The following ORC5 variants were observed in gnomAD, a reference collection of about 807,000 sequenced individuals.
The protein encoded by ORC5 is protein phosphatase 1, regulatory subunit 117.
A neutral mutation model predicts 58.8 loss-of-function variants in ORC5; 39 were observed. That is an observed-to-expected ratio of 0.66 (90% CI 0.51 to 0.87). The LOEUF is 0.87. ORC5 is among the 40% of genes least tolerant of loss of function. The pLI, the probability that ORC5 is intolerant of heterozygous loss-of-function variation, is 0.00. For synonymous variants in ORC5, 218 were observed against 177.6 expected (o/e 1.23, Z -1.81); for missense variants, 493 against 506.3 (o/e 0.97, Z 0.25).
At chr7:104,189,943 G>A (rs1049429177) in intron 5 of ORC5, among the ~76,000 whole-genome samples, 1 of 152,120 alleles carries the variant, frequency 6.6e-6, no homozygotes, top group Non-Finnish European at 1.5e-5. Flanking sequence ...TAATATTCTT[G>A]TAGGACTAAG....
At chr7:104,198,295 A>G (rs1294743172) in intron 3 of ORC5, among the ~76,000 whole-genome samples, 3 of 152,250 alleles carry the variant, frequency 2.0e-5, no homozygotes, top group Admixed American at 2.0e-4. Context: ...AAAGTTTGCA[A>G]CTTCCTAGAG....
chr7:104,184,849 T>C (rs75811157), intron 6 of ORC5, among the ~76,000 whole-genome samples: 2,257 of 152,240 alleles, frequency 0.015, 59 homozygotes, highest in African/African-American at 0.051. Context: ...ACAGAGAAAC[T>C]TAGCACAGGC....
At chr7:104,201,611 G>A (rs367781098) in intron 2 of ORC5, among the ~76,000 whole-genome samples, 267 of 144,190 alleles carry the variant, frequency 1.9e-3, no homozygotes, top group African/African-American at 6.4e-3. Context: ...GCAACATAGC[G>A]AGACCCTGTC....
chr7:104,166,709 A>G, intron 10 of ORC5, 63 bp downstream of exon 10: 1 of 917,158 alleles, frequency 1.1e-6, no homozygotes, highest in Non-Finnish European at 1.7e-6. Flanking sequence ...ACAAGTGTTA[A>G]GAAATTTCAA....
At chr7:104,171,964 T>G (rs1799219868) in intron 8 of ORC5, among the ~76,000 whole-genome samples, 1 of 152,214 alleles carries the variant, frequency 6.6e-6, no homozygotes, top group African/African-American at 2.4e-5. Context: ...AGGGTTGAAC[T>G]CTCTTTCTTC....
chr7:104,151,224 G>A (rs1173300361), intron 12 of ORC5, among the ~76,000 whole-genome samples: 1 of 152,076 alleles, frequency 6.6e-6, no homozygotes, highest in Non-Finnish European at 1.5e-5. Context: ...AGTATAACCA[G>A]AAAAGAAAGA....
rs1259092862 is a variant in ORC5 at position 104,176,352 on chromosome 7, A to T, written c.824+7591T>A. On this transcript the variant is annotated intron_variant, in intron 8 of 13. Coordinates refer to ENST00000297431, the MANE Select transcript of ORC5 (RefSeq NM_002553.4). ...TATCTGGGAAAGGCATAGACAGGGAAAGCCTGGTTGCATTAAAAAGGCTTT... is the reference window on the plus strand; with the variant it reads ...TATCTGGGAAAGGCATAGACAGGGATAGCCTGGTTGCATTAAAAAGGCTTT... Among the ~76,000 whole-genome samples the T allele has an allele frequency of 2.0e-5, 3 of 152,226 alleles. No individual in the cohort carries two copies. The East Asian group carries it at 5.8e-4, about 29-fold the overall frequency.
rs139823065 is a variant in ORC5, at chr7:104,141,625, G to C, written c.1150-4732C>G. On this transcript the variant is annotated intron_variant, in intron 12 of 13. Coordinates refer to ENST00000297431, the MANE Select transcript of ORC5 (RefSeq NM_002553.4). ...CAAAAAGCTGTTAGAACTAATAAAT[G>C]CTTTCAGTAAAGTTGCAGAATACAA... 4.0e-3 allele frequency among the ~76,000 whole-genome samples: 616 copies of C among 152,136 alleles called. 8 individuals carry two copies. The highest frequency in any genetic ancestry group is 3.4e-3 in the Middle Eastern group (1 of 294).
At position 104,126,867 on chromosome 7, in the gene ORC5, T is replaced by A. The variant is rs1255650414; in HGVS notation, c.1289A>T (p.Tyr430Phe). 6.2e-7 allele frequency: 1 copy of A among 1,607,936 alleles called. No homozygotes were observed. Among genetic ancestry groups the A allele is most frequent in the East Asian group, 2.2e-5 (1 of 44,592 alleles). Residue 430 changes from tyrosine to phenylalanine, a missense_variant, in exon 14 of 14, where the codon TAC becomes TTC. This residue lies in a region of ORC5 where 77 missense variants were observed against 86.1 expected (regional missense o/e 0.89). Coordinates refer to ENST00000297431, the MANE Select transcript of ORC5 (RefSeq NM_002553.4). ...TTGTTTTCACAAGAAATCATACAAG[T>A]ATTTTATTATGTCAAAGTTCACCGT... ...ARTVNFDIIK[Y>F]LYDFL
intron 6 of ORC5, among the ~76,000 whole-genome samples, chr7:104,184,951 A>T (rs1229764994): frequency 6.6e-6 from 1 of 152,148 alleles, no homozygotes; most frequent in Non-Finnish European, 1.5e-5. Flanking sequence ...TCTCCCTCCA[A>T]TAACCTGTTA....
At chr7:104,140,136 C>T (rs1306452686) in intron 12 of ORC5, among the ~76,000 whole-genome samples, 1 of 151,878 alleles carries the variant, frequency 6.6e-6, no homozygotes, top group Non-Finnish European at 1.5e-5. Flanking sequence ...TTTCATGATT[C>T]TACTTTCAAG....
In ORC5 at chr7:104,200,831, G is replaced by GT. The variant is rs760628410; in HGVS notation, c.292dup (p.Thr98AsnfsTer3). ...AAACAAGCGAACAAAGTCATTAAAT[G>GT]TTTCACAGGTTATTTCAGTAGAACA... On this transcript the variant is annotated frameshift_variant, in exon 3 of 14. Transcript: ENST00000297431. LOFTEE classifies it high-confidence loss of function. 3.7e-6 allele frequency: 6 copies of GT among 1,612,730 alleles called. No homozygotes were observed. The highest frequency in any genetic ancestry group is 5.1e-6 in the Non-Finnish European group (6 of 1,178,800).
At chr7:104,155,177 T>C (rs1428331721) in intron 12 of ORC5, among the ~76,000 whole-genome samples, 2 of 151,810 alleles carry the variant, frequency 1.3e-5, no homozygotes, top group East Asian at 3.8e-4. Context: ...TAAATCGATG[T>C]AACAAATAAC....
chr7:104,165,416 T>C, intron 10 of ORC5, 134 bp from the exon 11 acceptor site: 1 of 595,776 alleles, frequency 1.7e-6, no homozygotes, highest in Non-Finnish European at 2.9e-6. Context: ...ATTCTTCTTA[T>C]CACCTTGTAT....
chr7:104,158,509 C>G (rs912266003), intron 12 of ORC5, among the ~76,000 whole-genome samples: 1 of 151,676 alleles, frequency 6.6e-6, no homozygotes, highest in Non-Finnish European at 1.5e-5. Flanking sequence ...TTCTGCACAG[C>G]AAAACAAACT....
Position 104,207,846 on chromosome 7 carries a change from G to C in ORC5, c.59C>G (p.Ser20Cys), listed in dbSNP as rs1800132864. The C allele has an allele frequency of 1.2e-6, 2 of 1,613,922 alleles. No homozygotes were observed. The highest frequency in any genetic ancestry group is 1.7e-6 in the Non-Finnish European group (2 of 1,179,928). The change falls in exon 1 of 14, where the codon TCC becomes TGC. Residue 20 changes from serine to cysteine, a missense_variant. By Grantham distance (112) the Ser-to-Cys change is moderately radical. Around this residue, in one of 3 missense-constraint regions of ORC5, gnomAD observed 412 missense variants for 403.7 expected, o/e 1.02. Coordinates refer to ENST00000297431, the MANE Select transcript of ORC5 (RefSeq NM_002553.4). Reference protein sequence around the residue: ...CRESQVSILQSLFGERHHFSF... With the variant: ...CRESQVSILQCLFGERHHFSF... The stretch of plus-strand genomic sequence containing the variant: ...TAACTACAATACCTCTCCAAACAAG[G>C]ACTGCAAGATGGACACTTGAGACTC...
chr7:104,168,669 T>G (rs1799150815), intron 8 of ORC5, 144 bp from the exon 9 acceptor site: 1 of 477,396 alleles, frequency 2.1e-6, no homozygotes, highest in East Asian at 3.1e-5. Context: ...TAAACATGTT[T>G]GTACCTGTAC....
intron 12 of ORC5, among the ~76,000 whole-genome samples, chr7:104,153,388 G>T (rs1798875929): frequency 6.6e-6 from 1 of 152,088 alleles, no homozygotes; most frequent in Non-Finnish European, 1.5e-5. Flanking sequence ...CTAGAAAAGA[G>T]CCGGCCTCTA....
chr7:104,182,126 A>T (rs1253797713), intron 8 of ORC5, among the ~76,000 whole-genome samples: 2 of 152,152 alleles, frequency 1.3e-5, no homozygotes, highest in African/African-American at 4.8e-5. Flanking sequence ...TAAAATTACT[A>T]AAAAGGGGGA....
Sources: gnomAD v4.1 joint callset for allele counts (sites outside exome capture counted in the v4.1 genomes callset) on GRCh38, gnomAD v4.1.1 for gene constraint, gnomAD v4.1.1 regional missense constraint, MANE v1.5 for transcripts, NCBI Gene and HGNC (gene_info 2026-07-23, HGNC 2026-07-21) for gene names.